Variants in DLG2 observed in about 807,000 individuals in gnomAD.
DLG2 encodes disks large homolog 2.
A neutral mutation model predicts 132.5 loss-of-function variants in DLG2; 45 were observed. The observed-to-expected ratio is 0.34, with a 90% CI of 0.27 to 0.44. DLG2 has a LOEUF of 0.44. DLG2 is among the 20% of genes least tolerant of loss of function. The pLI is 1.00. For synonymous variants in DLG2, 424 were observed against 419.6 expected, an observed-to-expected ratio of 1.01 and a Z score of -0.13; for missense variants, 1,045 against 1,196.9, an observed-to-expected ratio of 0.87 and a Z score of 1.87.
At chr11:85,596,049 T>A (rs1196808978) in intron 3 of DLG2, among the ~76,000 whole-genome samples, 1 of 151,956 alleles carries the variant, frequency 6.6e-6, no homozygotes, top group African/African-American at 2.4e-5. Flanking sequence ...GCCCAGGAGT[T>A]CAAGACCAGC....
intron 9 of DLG2, among the ~76,000 whole-genome samples, chr11:84,131,204 T>C (rs999796817): frequency 2.0e-5 from 3 of 151,912 alleles, no homozygotes; most frequent in Admixed American, 6.6e-5. Context: ...AACATGAGCA[T>C]GTTGAAGAAT....
intron 19 of DLG2, among the ~76,000 whole-genome samples, chr11:83,549,249 C>T (rs564874070): frequency 6.6e-6 from 1 of 152,240 alleles, no homozygotes; most frequent in East Asian, 1.9e-4. Flanking sequence ...CCCATTTTCA[C>T]ATTGTCAAGG....
intron 9 of DLG2, among the ~76,000 whole-genome samples, chr11:84,145,148 G>T (rs1021697314): frequency 6.6e-6 from 1 of 152,138 alleles, no homozygotes; most frequent in Non-Finnish European, 1.5e-5. Context: ...ATTCAACTTG[G>T]GGATACAGCT....
intron 6 of DLG2, among the ~76,000 whole-genome samples, chr11:84,932,742 C>T (rs1305147131): frequency 1.3e-5 from 2 of 151,188 alleles, no homozygotes; most frequent in African/African-American, 4.9e-5. Flanking sequence ...ATATATACTA[C>T]ATTTTCTTTA....
chr11:85,431,904 G>C lies in DLG2; in HGVS notation c.41-146539C>G, dbSNP rs566250588. Among the ~76,000 whole-genome samples the C allele has an allele frequency of 2.6e-5, 4 of 152,316 alleles. No individual in the cohort carries two copies. In the South Asian group the frequency reaches 8.3e-4, roughly 32 times the overall value. The stretch of plus-strand genomic sequence containing the variant: ...GGGTTGCCAGACATCCTGTACAGGA[G>C]TGTTCCTACTGGCATCAGGTCGGTG... On this transcript the variant is annotated intron_variant, in intron 3 of 27. Coordinates refer to ENST00000376104, the MANE Select transcript of DLG2 (RefSeq NM_001142699.3).
At chr11:83,510,234 T>TC (rs1377952365) in intron 21 of DLG2, among the ~76,000 whole-genome samples, 1 of 139,844 alleles carries the variant, frequency 7.2e-6, no homozygotes, top group African/African-American at 2.6e-5. Context: ...CCTCCCTCCC[T>TC]CCTTCAGATA....
intron 6 of DLG2, among the ~76,000 whole-genome samples, chr11:84,853,568 T>C (rs1364789298): frequency 6.6e-6 from 1 of 152,040 alleles, no homozygotes; most frequent in Non-Finnish European, 1.5e-5. Flanking sequence ...TAAAGAAACA[T>C]TTATTTAGTG....
chr11:83,566,565 T>A (rs560730164), intron 19 of DLG2, among the ~76,000 whole-genome samples: 1 of 152,106 alleles, frequency 6.6e-6, no homozygotes, highest in African/African-American at 2.4e-5. Flanking sequence ...TGTAAAGATT[T>A]AAATACACCT....
chr11:84,322,339 G>T (rs1334541640), intron 7 of DLG2, among the ~76,000 whole-genome samples: 1 of 152,140 alleles, frequency 6.6e-6, no homozygotes, highest in Non-Finnish European at 1.5e-5. Flanking sequence ...ATTTCCTAGT[G>T]GTCTTAGCAC....
At chr11:84,935,483 C>A (rs2048631682) in intron 6 of DLG2, among the ~76,000 whole-genome samples, 1 of 152,154 alleles carries the variant, frequency 6.6e-6, no homozygotes, top group African/African-American at 2.4e-5. Flanking sequence ...CCACATTGAA[C>A]TTGTTTTGAT....
chr11:83,749,694 T>C (rs549820509), intron 18 of DLG2, among the ~76,000 whole-genome samples: 1 of 152,216 alleles, frequency 6.6e-6, no homozygotes, highest in African/African-American at 2.4e-5. Context: ...GTCTGATGAG[T>C]TCCTTTTGGT....
In DLG2 at chr11:85,529,270, G is replaced by A. The variant is rs567587565; in HGVS notation, c.40+69387C>T. On this transcript the variant is annotated intron_variant, in intron 3 of 27. Coordinates refer to ENST00000376104, the MANE Select transcript of DLG2 (RefSeq NM_001142699.3). ...GCCCTACCATCACCACCTGTTCCCC[G>A]ACAAATTATGAACATGTAACATGAA... Among the ~76,000 whole-genome samples, 29 of 152,160 alleles carry A rather than the reference G, an allele frequency of 1.9e-4. No homozygotes were observed. In the East Asian group the frequency reaches 1.9e-3, roughly 10 times the overall value.
chr11:85,031,891 C>T (rs2061028471), intron 6 of DLG2, among the ~76,000 whole-genome samples: 1 of 149,332 alleles, frequency 6.7e-6, no homozygotes, highest in Non-Finnish European at 1.5e-5. Context: ...TCAAGCAATT[C>T]TCCTGCCTTA....
chr11:85,325,177 C>T (rs1294964141), intron 3 of DLG2, among the ~76,000 whole-genome samples: 12 of 146,270 alleles, frequency 8.2e-5, no homozygotes, highest in South Asian at 4.5e-4. Context: ...AACTGCAAGG[C>T]GGCAACGAGG....
chr11:85,015,601 A>C (rs1413251864), intron 6 of DLG2, among the ~76,000 whole-genome samples: 4 of 152,120 alleles, frequency 2.6e-5, no homozygotes, highest in Non-Finnish European at 4.4e-5. Context: ...AAAAGAGCAA[A>C]AGCTTGAAAA....
At chr11:84,883,184 T>C (rs1393773546) in intron 6 of DLG2, among the ~76,000 whole-genome samples, 1 of 152,030 alleles carries the variant, frequency 6.6e-6, no homozygotes, top group Non-Finnish European at 1.5e-5. Flanking sequence ...CTGGAAACCA[T>C]CATTCTCAGC....
chr11:85,496,310 T>A (rs1462733864), intron 3 of DLG2, among the ~76,000 whole-genome samples: 1 of 152,130 alleles, frequency 6.6e-6, no homozygotes, highest in Non-Finnish European at 1.5e-5. Flanking sequence ...AGTGCAGCAG[T>A]CTGAGATTGA....
At chr11:84,647,839 C>T (rs1342461263) in intron 6 of DLG2, among the ~76,000 whole-genome samples, 1 of 152,120 alleles carries the variant, frequency 6.6e-6, no homozygotes. Context: ...AAATGATTTC[C>T]ATATGCAGAA....
At chr11:85,516,762 G>A (rs1437077169) in intron 3 of DLG2, among the ~76,000 whole-genome samples, 3 of 151,972 alleles carry the variant, frequency 2.0e-5, no homozygotes, top group Non-Finnish European at 4.4e-5. Flanking sequence ...AATGAGTAGT[G>A]AGATTGAATC....
Sources: gnomAD v4.1 joint callset for allele counts (sites outside exome capture counted in the v4.1 genomes callset) on GRCh38, gnomAD v4.1.1 for gene constraint, MANE v1.5 for transcripts, NCBI Gene and HGNC (gene_info 2026-07-23, HGNC 2026-07-21) for gene names.